Variants in SKAP1 observed in about 807,000 individuals in gnomAD.
The protein encoded by SKAP1 is src kinase-associated phosphoprotein 1.
SKAP1 carries 44 observed loss-of-function variants against 58.5 expected under a neutral mutation model. The observed-to-expected ratio is 0.75, with a 90% CI of 0.59 to 0.97. The LOEUF (loss-of-function observed/expected upper bound fraction) is 0.97. Ranked by LOEUF, SKAP1 falls within the 50% of genes least tolerant of loss-of-function variation. The pLI, the probability that SKAP1 is intolerant of heterozygous loss-of-function variation, is 0.00. For missense variants in SKAP1, 390 were observed against 435.2 expected (o/e 0.90, Z 0.92); for synonymous variants, 127 against 149.7 (o/e 0.85, Z 1.11).
At chr17:48,439,243 G>C in the SKAP1 span, among the ~76,000 whole-genome samples, 2 of 152,196 alleles carry the variant, frequency 1.3e-5, no homozygotes, top group Admixed American at 1.3e-4. Context: ...TGCATCATGA[G>C]ACTATTGATG....
At chr17:48,286,841 G>A (rs1241041526) in intron 4 of SKAP1, among the ~76,000 whole-genome samples, 2 of 152,172 alleles carry the variant, frequency 1.3e-5, no homozygotes, top group Admixed American at 6.5e-5. Context: ...GCTCATGCCT[G>A]TAATCCAGCA....
chr17:48,244,255 C>T (rs956497828), intron 4 of SKAP1, among the ~76,000 whole-genome samples: 2 of 152,162 alleles, frequency 1.3e-5, no homozygotes, highest in African/African-American at 4.8e-5. Context: ...ACCATAAATA[C>T]TGCCCCATCC....
chr17:48,391,407 C>A (rs757217782), intron 2 of SKAP1, among the ~76,000 whole-genome samples: 3 of 152,024 alleles, frequency 2.0e-5, no homozygotes, highest in Non-Finnish European at 4.4e-5. Context: ...AAAGTTAAGC[C>A]AAGAGATCAA....
intron 11 of SKAP1, among the ~76,000 whole-genome samples, chr17:48,143,944 C>T (rs758367094): frequency 2.6e-5 from 4 of 152,272 alleles, no homozygotes; most frequent in South Asian, 2.1e-4. Flanking sequence ...GAAGAGGGTG[C>T]GAACAGGAAG....
At chr17:48,193,249 G>A (rs1392769769) in intron 4 of SKAP1, among the ~76,000 whole-genome samples, 1 of 152,054 alleles carries the variant, frequency 6.6e-6, no homozygotes, top group Non-Finnish European at 1.5e-5. Context: ...CTCCATGTTG[G>A]TCAGGCTGGT....
intron 11 of SKAP1, among the ~76,000 whole-genome samples, chr17:48,146,392 C>G (rs1044340398): frequency 1.3e-5 from 2 of 151,482 alleles, no homozygotes; most frequent in Admixed American, 6.6e-5. Context: ...ACTCGGGAGG[C>G]TAAGGCAGGA....
chr17:48,184,850 G>A lies in SKAP1; in HGVS notation c.443-3C>T. 1 of 1,612,934 alleles carries A rather than the reference G, an allele frequency of 6.2e-7. No individual in the cohort carries two copies. The highest frequency in any genetic ancestry group is 8.5e-7 in the Non-Finnish European group (1 of 1,179,460). On this transcript the variant is annotated splice_region_variant and splice_polypyrimidine_tract_variant and intron_variant, in intron 6 of 12. Transcript: ENST00000336915. ...GAAGGTCCCTTTGGGCTGCTTGCCT[G>A]CAAGACAGGAAAGCTCCCTGTATCC...
chr17:48,421,293 G>GT (rs2067790439), intron 1 of SKAP1, among the ~76,000 whole-genome samples: 1 of 137,378 alleles, frequency 7.3e-6, no homozygotes, highest in African/African-American at 2.7e-5. Context: ...AAAATAGAGT[G>GT]TTCTTTTTTT....
chr17:48,358,664 T>G (rs2066904128), intron 3 of SKAP1, among the ~76,000 whole-genome samples: 1 of 152,210 alleles, frequency 6.6e-6, no homozygotes, highest in Admixed American at 6.5e-5. Flanking sequence ...AAAAGATACA[T>G]GAAAATTTTA....
chr17:48,181,528 A>G (rs2064369130), intron 8 of SKAP1, among the ~76,000 whole-genome samples: 1 of 152,204 alleles, frequency 6.6e-6, no homozygotes, highest in Non-Finnish European at 1.5e-5. Context: ...TAAAACAGGC[A>G]ATTCTTGTAA....
intron 3 of SKAP1, among the ~76,000 whole-genome samples, chr17:48,353,299 G>A (rs1332284817): frequency 2.6e-5 from 4 of 152,034 alleles, no homozygotes; most frequent in African/African-American, 7.3e-5. Context: ...GCATTGACCT[G>A]GCTTGGTTAA....
intron 2 of SKAP1, among the ~76,000 whole-genome samples, chr17:48,382,010 T>C (rs753356924): frequency 1.2e-4 from 19 of 152,212 alleles, no homozygotes; most frequent in Non-Finnish European, 2.5e-4. Context: ...TAGAACCTAA[T>C]AGCTATGTAA....
chr17:48,307,124 G>GTTTGCT, intron 4 of SKAP1, among the ~76,000 whole-genome samples: 1 of 152,310 alleles, frequency 6.6e-6, no homozygotes, highest in East Asian at 1.9e-4. Context: ...CAAACTGAAT[G>GTTTGCT]TGTCCCAGGA....
intron 4 of SKAP1, among the ~76,000 whole-genome samples, chr17:48,279,048 T>C (rs1341250478): frequency 1.3e-5 from 2 of 152,200 alleles, no homozygotes; most frequent in African/African-American, 2.4e-5. Flanking sequence ...AGCCGAGTTA[T>C]ACTCCTGACT....
chr17:48,164,147 G>A (rs148739228), intron 10 of SKAP1, among the ~76,000 whole-genome samples: 1 of 152,154 alleles, frequency 6.6e-6, no homozygotes, highest in African/African-American at 2.4e-5. Context: ...TTAAGTACAT[G>A]AAATAATAGA....
chr17:48,194,351 T>C (rs2064595082), intron 4 of SKAP1, among the ~76,000 whole-genome samples: 1 of 152,232 alleles, frequency 6.6e-6, no homozygotes, highest in African/African-American at 2.4e-5. Flanking sequence ...TAGGATTCCA[T>C]CTCTCAATGC....
chr17:48,340,179 C>CAAAT (rs1024929124), intron 4 of SKAP1, among the ~76,000 whole-genome samples: 63 of 151,898 alleles, frequency 4.1e-4, no homozygotes, highest in East Asian at 1.4e-3. Context: ...GACTCCGTCT[C>CAAAT]AAATAAATAA....
chr17:48,360,190 T>C (rs1276639480), intron 3 of SKAP1, among the ~76,000 whole-genome samples: 1 of 152,158 alleles, frequency 6.6e-6, no homozygotes. Context: ...CTTCCCTAGA[T>C]TTTTATTTAA....
intron 4 of SKAP1, among the ~76,000 whole-genome samples, chr17:48,222,384 G>T (rs1013461225): frequency 6.6e-5 from 10 of 152,112 alleles, no homozygotes; most frequent in Non-Finnish European, 1.3e-4. Context: ...AGATATTGAT[G>T]AACTGACTTG....
Sources: gnomAD v4.1 joint callset for allele counts (sites outside exome capture counted in the v4.1 genomes callset) on GRCh38, gnomAD v4.1.1 for gene constraint, MANE v1.5 for transcripts, NCBI Gene and HGNC (gene_info 2026-07-23, HGNC 2026-07-21) for gene names.